The following SNTG1 variants were observed in gnomAD, a reference collection of about 807,000 sequenced individuals.
The protein encoded by SNTG1 is gamma-1-syntrophin.
Under a neutral mutation model 74.7 loss-of-function variants are expected in SNTG1, and 39 were observed. The ratio of observed to expected loss-of-function variants is 0.52; its 90% CI spans 0.40 to 0.68. The LOEUF (loss-of-function observed/expected upper bound fraction) is 0.68, where lower values mean the gene tolerates loss of function less well. SNTG1 is among the 30% of genes least tolerant of loss of function. SNTG1 has a pLI of 0.00. For missense variants in SNTG1, 685 were observed against 609.5 expected (o/e 1.12, Z -1.30); for synonymous variants, 254 against 217.1 (o/e 1.17, Z -1.49).
intron 1 of SNTG1, among the ~76,000 whole-genome samples, chr8:50,132,560 A>C (rs1479690206): frequency 6.6e-6 from 1 of 152,184 alleles, no homozygotes; most frequent in Non-Finnish European, 1.5e-5. Flanking sequence ...GAAATCCAAC[A>C]GGGAAAATTC....
intron 2 of SNTG1, among the ~76,000 whole-genome samples, chr8:50,267,988 A>G (rs28859665): frequency 0.26 from 39,844 of 152,074 alleles, 5,276 homozygotes; most frequent in South Asian, 0.37. Flanking sequence ...CTGTTTACCA[A>G]TGACGTTTTT....
intron 3 of SNTG1, among the ~76,000 whole-genome samples, chr8:50,397,757 C>A (rs1211535104): frequency 6.6e-6 from 1 of 152,128 alleles, no homozygotes; most frequent in African/African-American, 2.4e-5. Context: ...GGGTGGCATT[C>A]TTAAATAATC....
chr8:50,129,111 T>C (rs989662246), intron 1 of SNTG1, among the ~76,000 whole-genome samples: 3 of 152,136 alleles, frequency 2.0e-5, no homozygotes, highest in Non-Finnish European at 2.9e-5. Flanking sequence ...AACTGATTTA[T>C]TTAGGCAACA....
intron 1 of SNTG1, among the ~76,000 whole-genome samples, chr8:49,967,480 T>C (rs1047457307): frequency 6.6e-6 from 1 of 152,228 alleles, no homozygotes; most frequent in Non-Finnish European, 1.5e-5. Context: ...TACGTGGTGA[T>C]GCAAGTTTTT....
intron 1 of SNTG1, among the ~76,000 whole-genome samples, chr8:49,926,132 A>C (rs987686357): frequency 6.6e-6 from 1 of 152,162 alleles, no homozygotes; most frequent in African/African-American, 2.4e-5. Flanking sequence ...GTAAAACAAT[A>C]ATAAGGTTCT....
rs796925676 is a variant in SNTG1 at position 50,421,052 on chromosome 8, AG to A, written c.163-17483del. Among the ~76,000 whole-genome samples the A allele has an allele frequency of 6.4e-4, 11 of 17,128 alleles. 1 individual carries two copies. Among genetic ancestry groups the A allele is most frequent in the Admixed American group, 1.7e-3 (2 of 1,196 alleles). 11.2% of individuals were successfully genotyped at this position (17,128 alleles called of 152,430 possible). A position where few individuals can be genotyped will look rare whatever the true frequency, so the allele number is the denominator to read the frequency against. On this transcript the variant is annotated intron_variant, in intron 4 of 18. Coordinates refer to ENST00000642720, the MANE Select transcript of SNTG1 (RefSeq NM_018967.5). ...AAAAAAAAAAGGCGGTGGGCGGGGG[AG>A]GGGGGGGCGAAGATAAAGGGACATT...
At chr8:50,360,011 G>A (rs770318281) in intron 2 of SNTG1, among the ~76,000 whole-genome samples, 16 of 151,980 alleles carry the variant, frequency 1.1e-4, no homozygotes, top group Admixed American at 5.2e-4. Flanking sequence ...AGAAATGCAG[G>A]CCTTTCTGTA....
chr8:49,912,607 T>G (rs1805674715), intron 1 of SNTG1, among the ~76,000 whole-genome samples: 1 of 152,250 alleles, frequency 6.6e-6, no homozygotes, highest in Admixed American at 6.5e-5. Context: ...CTAAAAAAGT[T>G]AAAATAGAGA....
At chr8:50,107,343 T>C (rs541930826) in intron 1 of SNTG1, among the ~76,000 whole-genome samples, 2 of 152,112 alleles carry the variant, frequency 1.3e-5, no homozygotes, top group Non-Finnish European at 2.9e-5. Context: ...GATATGTAGA[T>C]AGATAGATAA....
intron 8 of SNTG1, among the ~76,000 whole-genome samples, chr8:50,476,173 AG>A (rs1420084586): frequency 1.3e-5 from 2 of 152,192 alleles, no homozygotes; most frequent in African/African-American, 4.8e-5. Context: ...TCCAAAGTGC[AG>A]GAGTAATGAT....
chr8:50,018,829 A>G (rs1290061156), intron 1 of SNTG1, among the ~76,000 whole-genome samples: 1 of 152,050 alleles, frequency 6.6e-6, no homozygotes, highest in Non-Finnish European at 1.5e-5. Flanking sequence ...AACAAAAAAT[A>G]ACAAGTGTTG....
chr8:50,599,116 G>A (rs1464476464), intron 13 of SNTG1, among the ~76,000 whole-genome samples: 6 of 151,960 alleles, frequency 3.9e-5, no homozygotes, highest in Admixed American at 2.6e-4. Context: ...TGATTGAAGA[G>A]ACTGTCATTT....
chr8:50,057,177 C>T (rs1180511732), intron 1 of SNTG1, among the ~76,000 whole-genome samples: 1 of 152,082 alleles, frequency 6.6e-6, no homozygotes, highest in African/African-American at 2.4e-5. Flanking sequence ...AATTGTTTTA[C>T]TCAGAACGTG....
intron 8 of SNTG1, among the ~76,000 whole-genome samples, chr8:50,460,696 C>T (rs1433080094): frequency 2.0e-5 from 3 of 151,980 alleles, no homozygotes; most frequent in Non-Finnish European, 2.9e-5. Flanking sequence ...TTCTTTCTTC[C>T]GCATATGACT....
intron 8 of SNTG1, among the ~76,000 whole-genome samples, chr8:50,472,379 C>T (rs1384134774): frequency 6.6e-6 from 1 of 152,086 alleles, no homozygotes; most frequent in African/African-American, 2.4e-5. Flanking sequence ...ATAGTTAGCT[C>T]AGTAAACGAT....
At chr8:50,679,070 A>G (rs900127972) in intron 15 of SNTG1, among the ~76,000 whole-genome samples, 1 of 152,118 alleles carries the variant, frequency 6.6e-6, no homozygotes, top group Non-Finnish European at 1.5e-5. Flanking sequence ...TTGCTGTAGT[A>G]TTATTACAAT....
intron 8 of SNTG1, 42 bp from the exon 9 acceptor site, chr8:50,502,736 T>C (rs780183204): frequency 4.0e-6 from 6 of 1,502,198 alleles, no homozygotes; most frequent in South Asian, 2.3e-5. Context: ...TATAACATGA[T>C]AAATGTAATG....
intron 1 of SNTG1, among the ~76,000 whole-genome samples, chr8:49,927,834 G>T (rs28869911): frequency 0.68 from 103,848 of 151,882 alleles, 37,376 homozygotes; most frequent in East Asian, 0.87. Flanking sequence ...GATGGACTTT[G>T]GGGCTGGGAG....
intron 2 of SNTG1, among the ~76,000 whole-genome samples, chr8:50,209,229 C>T (rs1195503749): frequency 2.6e-5 from 4 of 152,056 alleles, no homozygotes; most frequent in African/African-American, 4.8e-5. Context: ...CCAGGAAGTT[C>T]GAACTGGATG....
Sources: allele counts gnomAD v4.1 joint callset (sites outside exome capture counted in the v4.1 genomes callset), GRCh38; gene constraint gnomAD v4.1.1; transcripts MANE v1.5; gene names NCBI Gene and HGNC (gene_info 2026-07-23, HGNC 2026-07-21).